Variants in KAZN observed in about 807,000 individuals in gnomAD.
KAZN encodes the protein kazrin, periplakin interacting protein.
KAZN carries 40 observed loss-of-function variants against 87.4 expected under a neutral mutation model. That is an observed-to-expected ratio of 0.46 (90% CI 0.36 to 0.60). The LOEUF is 0.60. Among genes scored for constraint, KAZN ranks in the 20% least tolerant of loss-of-function variants. KAZN has a pLI of 0.00. For synonymous variants in KAZN, 466 were observed against 458.3 expected, an observed-to-expected ratio of 1.02 and a Z score of -0.22; for missense variants, 898 against 1,073.9, an observed-to-expected ratio of 0.84 and a Z score of 2.29.
chr1:14,410,143 A>ACC (rs1664191999), intron 2 of KAZN, among the ~76,000 whole-genome samples: 1 of 152,198 alleles, frequency 6.6e-6, no homozygotes, highest in African/African-American at 2.4e-5. Context: ...TTGCTCTGTC[A>ACC]CCAGAGCTGG....
chr1:14,729,398 C>T (rs1256518581), intron 1 of KAZN, among the ~76,000 whole-genome samples: 3 of 152,160 alleles, frequency 2.0e-5, no homozygotes, highest in South Asian at 4.1e-4. Flanking sequence ...CCAGAATAGC[C>T]GGGCTTTCTT....
intron 1 of KAZN, among the ~76,000 whole-genome samples, chr1:14,808,765 CAATA>C (rs1477375594): frequency 6.6e-6 from 1 of 152,126 alleles, no homozygotes; most frequent in African/African-American, 2.4e-5. Flanking sequence ...GAGTCTTAAA[CAATA>C]AATAAATCTC....
chr1:14,859,461 C>G (rs1314957282), intron 1 of KAZN, among the ~76,000 whole-genome samples: 1 of 152,194 alleles, frequency 6.6e-6, no homozygotes, highest in African/African-American at 2.4e-5. Flanking sequence ...TAACCACTAT[C>G]TACATGATTG....
At chr1:15,052,169 T>A (rs1464457959) in intron 4 of KAZN, among the ~76,000 whole-genome samples, 1 of 151,612 alleles carries the variant, frequency 6.6e-6, no homozygotes, top group Non-Finnish European at 1.5e-5. Context: ...GTGTGTGGTG[T>A]TAGTCTCTTC....
rs1023128818 is a variant in KAZN, at chr1:15,094,322, G to A, written c.1365G>A (p.Leu455=). The A allele has an allele frequency of 1.9e-6, 3 of 1,613,828 alleles. No individual in the cohort carries two copies. Among genetic ancestry groups the A allele is most frequent in the Admixed American group, 1.7e-5 (1 of 59,998 alleles). ...HWKAGTVQAW[L]EVVMAMPMYV... ...AGGCGGGCACCGTCCAGGCCTGGCT[G>A]GAGGTGGTGATGGCCATGCCTATGT... The change falls in exon 9 of 15, where the codon CTG becomes CTA. Residue 455 remains leucine (L), a synonymous_variant. Coordinates refer to ENST00000376030, the MANE Select transcript of KAZN (RefSeq NM_201628.3). The surrounding 1 kb of genome is among the most constrained non-coding windows in gnomAD (Gnocchi z 4.5).
chr1:14,141,905 A>C (rs187452112), intron 1 of KAZN, among the ~76,000 whole-genome samples: 2 of 152,264 alleles, frequency 1.3e-5, no homozygotes, highest in East Asian at 3.9e-4. Flanking sequence ...GCTGGATGCT[A>C]TTCAGTTTGA....
chr1:14,960,680 C>T lies in KAZN; in HGVS notation c.227-4C>T. 1 of 1,560,708 alleles carries T rather than the reference C, an allele frequency of 6.4e-7. No individual in the cohort carries two copies. Among genetic ancestry groups the T allele is most frequent in the African/African-American group, 1.4e-5 (1 of 73,804 alleles). Reference sequence around the variant, plus strand: ...TCCTCTAACCCTGTGCCCTTCTCCCCTAGTGCTCCTGCGGGAAGAAGTGTC... The same window carrying T: ...TCCTCTAACCCTGTGCCCTTCTCCCTTAGTGCTCCTGCGGGAAGAAGTGTC... On this transcript the variant is annotated splice_polypyrimidine_tract_variant and splice_region_variant and intron_variant, in intron 1 of 14. Coordinates refer to ENST00000376030, the MANE Select transcript of KAZN (RefSeq NM_201628.3).
intron 2 of KAZN, among the ~76,000 whole-genome samples, chr1:15,018,599 T>C (rs1670357348): frequency 2.0e-5 from 1 of 50,514 alleles, no homozygotes; most frequent in African/African-American, 1.2e-4. Context: ...GGGAGTTGAT[T>C]TAAAAAAAAA....
intron 1 of KAZN, among the ~76,000 whole-genome samples, chr1:14,045,734 T>G (rs1173090244): frequency 6.6e-6 from 1 of 152,168 alleles, no homozygotes; most frequent in Non-Finnish European, 1.5e-5. Flanking sequence ...CTTAGTTTCC[T>G]CATCTGTAAA....
At chr1:14,171,531 G>A (rs72643181) in intron 1 of KAZN, among the ~76,000 whole-genome samples, 18,723 of 152,150 alleles carry the variant, frequency 0.12, 1,279 homozygotes, top group East Asian at 0.33. Flanking sequence ...TTTATTTAAT[G>A]AGACCATATT....
chr1:14,091,146 T>C (rs1477147389), intron 1 of KAZN, among the ~76,000 whole-genome samples: 1 of 149,902 alleles, frequency 6.7e-6, no homozygotes, highest in Non-Finnish European at 1.5e-5. Context: ...CTAGAGGAAT[T>C]CCCTTTACAA....
chr1:14,096,531 G>C (rs1332456503), intron 1 of KAZN, among the ~76,000 whole-genome samples: 1 of 152,232 alleles, frequency 6.6e-6, no homozygotes, highest in Non-Finnish European at 1.5e-5. Context: ...GATAGGTTCT[G>C]TAGTCAGAGC....
intron 2 of KAZN, among the ~76,000 whole-genome samples, chr1:15,033,688 T>C (rs1671964098): frequency 6.6e-6 from 1 of 152,216 alleles, no homozygotes; most frequent in Non-Finnish European, 1.5e-5. Context: ...TTTTTTCATG[T>C]CCCTATTGGC....
intron 1 of KAZN, among the ~76,000 whole-genome samples, chr1:14,906,903 T>G (rs1429350376): frequency 6.6e-6 from 1 of 151,762 alleles, no homozygotes; most frequent in African/African-American, 2.4e-5. Context: ...GATTTACAAA[T>G]GCTGAGATGA....
chr1:14,408,582 C>T (rs1664055767), intron 2 of KAZN, among the ~76,000 whole-genome samples: 1 of 152,198 alleles, frequency 6.6e-6, no homozygotes, highest in African/African-American at 2.4e-5. Context: ...ATCGTCTCAA[C>T]TGTGTCCTCA....
chr1:14,422,635 T>C (rs995178064), intron 2 of KAZN, among the ~76,000 whole-genome samples: 5 of 152,230 alleles, frequency 3.3e-5, no homozygotes, highest in African/African-American at 9.6e-5. Flanking sequence ...AGACGATGCT[T>C]TATATTCAAA....
chr1:14,147,712 C>G (rs1456820227), intron 1 of KAZN, among the ~76,000 whole-genome samples: 1 of 151,850 alleles, frequency 6.6e-6, no homozygotes, highest in Non-Finnish European at 1.5e-5. Flanking sequence ...AGGAGAACCA[C>G]TTGAACCTGG....
chr1:14,688,046 G>T (rs564004509), intron 1 of KAZN, among the ~76,000 whole-genome samples: 2 of 152,092 alleles, frequency 1.3e-5, no homozygotes, highest in Non-Finnish European at 2.9e-5. Context: ...ATAGGAACAC[G>T]CCAGTCATAG....
intron 1 of KAZN, among the ~76,000 whole-genome samples, chr1:13,915,143 G>A (rs1387672179): frequency 1.3e-5 from 2 of 152,190 alleles, no homozygotes; most frequent in East Asian, 1.9e-4. Context: ...ATGTGCAGAT[G>A]TGTATACACA....
Sources: allele counts gnomAD v4.1 joint callset (sites outside exome capture counted in the v4.1 genomes callset), GRCh38; gene constraint gnomAD v4.1.1; non-coding constraint Gnocchi (gnomAD v3.1); transcripts MANE v1.5; gene names NCBI Gene and HGNC (gene_info 2026-07-23, HGNC 2026-07-21).